OS9: variants seen among roughly 807,000 people sequenced by gnomAD.
The protein encoded by OS9 is OS9 endoplasmic reticulum lectin.
Under a neutral mutation model 84.7 loss-of-function variants are expected in OS9, and 58 were observed. That is an observed-to-expected ratio of 0.68 (90% confidence interval 0.55 to 0.85). The LOEUF is 0.85. OS9 is among the 40% of genes least tolerant of loss of function. The pLI, the probability that OS9 is intolerant of heterozygous loss-of-function variation, is 0.00. For synonymous variants in OS9, 278 were observed against 320.8 expected (o/e 0.87, Z 1.43); for missense variants, 760 against 850.9 (o/e 0.89, Z 1.33).
At chr12:57,700,942 A>G (rs1954004096) in intron 5 of OS9, among the ~76,000 whole-genome samples, 1 of 152,338 alleles carries the variant, frequency 6.6e-6, no homozygotes, top group African/African-American at 2.4e-5. Flanking sequence ...AAAATGTCAT[A>G]GAGACCCATA....
chr12:57,696,133 T>C (rs1452767960), intron 4 of OS9, 95 bp downstream of exon 4: 2 of 1,249,020 alleles, frequency 1.6e-6, no homozygotes, highest in East Asian at 4.7e-5. Context: ...GATCTGTTTC[T>C]TGGGGCTTGG....
At chr12:57,707,587 C>T (rs1322351576) in intron 5 of OS9, among the ~76,000 whole-genome samples, 3 of 152,008 alleles carry the variant, frequency 2.0e-5, no homozygotes, top group East Asian at 1.9e-4. Flanking sequence ...TTAGTAGAGA[C>T]GGGGTTTCTT....
rs530905360 is a variant in OS9, at chr12:57,716,441, G to A, written c.922G>A (p.Asp308Asn). Residue 308 changes from aspartate to asparagine, a missense_variant, in exon 8 of 15, where the codon GAC becomes AAC. Transcript: ENST00000315970. Reference sequence around the variant, plus strand: ...GAGCCCGACCAAGGATGACAGTAAGGACTCAGATTTCTGGAAGATGCTTAA... The same window carrying A: ...GAGCCCGACCAAGGATGACAGTAAGAACTCAGATTTCTGGAAGATGCTTAA... ...GASPTKDDSK[D>N]SDFWKMLNEP... 1 of 1,565,604 alleles carries A rather than the reference G, an allele frequency of 6.4e-7. No homozygotes were observed. Among genetic ancestry groups the A allele is most frequent in the Non-Finnish European group, 8.7e-7 (1 of 1,154,294 alleles).
At chr12:57,718,518 G>A in intron 11 of OS9, 97 bp downstream of exon 11, 1 of 1,305,050 alleles carries the variant, frequency 7.7e-7, no homozygotes, top group Non-Finnish European at 1.1e-6. Context: ...CACAGCACAG[G>A]GCAAGGACGG....
chr12:57,699,525 A>G (rs562772027), intron 5 of OS9, among the ~76,000 whole-genome samples: 1 of 152,348 alleles, frequency 6.6e-6, no homozygotes, highest in East Asian at 1.9e-4. Context: ...AAATTGGTCC[A>G]TGGTGTTGGC....
intron 5 of OS9, 192 bp from the exon 6 acceptor site, chr12:57,715,568 C>A: frequency 2.0e-6 from 1 of 500,254 alleles, no homozygotes; most frequent in South Asian, 3.4e-5. Context: ...TTTCTTGAGG[C>A]ACGAAGTTGA....
intron 5 of OS9, among the ~76,000 whole-genome samples, chr12:57,713,648 C>T (rs571970562): frequency 1.3e-5 from 2 of 151,382 alleles, no homozygotes; most frequent in Non-Finnish European, 2.9e-5. Flanking sequence ...TATCTCATGA[C>T]TGGATGTTGA....
intron 5 of OS9, among the ~76,000 whole-genome samples, chr12:57,700,961 GCCAAGTT>G (rs1954004878): frequency 6.6e-6 from 1 of 152,008 alleles, no homozygotes; most frequent in African/African-American, 2.4e-5. Flanking sequence ...TAAATTCACT[GCCAAGTT>G]AAACAGATGT....
In OS9 at chr12:57,716,209, A is replaced by C; in HGVS notation, c.892+16A>C. On this transcript the variant is annotated intron_variant, in intron 7 of 14. Transcript: ENST00000315970. ...AAGATGGCAGGTAGGACCTTGTTTC[A>C]CCTGTTCCGTGAAACTCACTTCCAT... 1 of 1,490,494 alleles carries C rather than the reference A, an allele frequency of 6.7e-7. No homozygotes were observed. Among genetic ancestry groups the C allele is most frequent in the Non-Finnish European group, 9.1e-7 (1 of 1,094,608 alleles). The allele number at this position is 1,490,494 out of a possible 1,614,324, so 92.3% of individuals were successfully genotyped here. A position where few individuals can be genotyped will look rare whatever the true frequency, so the allele number is the denominator to read the frequency against.
At chr12:57,694,489 C>T (rs1222956041) in intron 1 of OS9, among the ~76,000 whole-genome samples, 166 bp downstream of exon 1, 3 of 152,124 alleles carry the variant, frequency 2.0e-5, no homozygotes, top group Non-Finnish European at 4.4e-5. Context: ...GACCAATTCT[C>T]TGGGGGCCAG....
Position 57,720,474 on chromosome 12 carries a change from G to C in OS9, c.1834G>C (p.Asp612His), listed in dbSNP as rs1286433953. Residue 612 changes from aspartate to histidine, a missense_variant, in exon 14 of 15, where the codon GAT becomes CAT. Physicochemically the swap from Asp to His is moderately conservative, Grantham distance 81. Coordinates refer to ENST00000315970, the MANE Select transcript of OS9 (RefSeq NM_006812.4). Reference sequence around the variant, plus strand: ...TGAAGAGGGTGCACGTTGGCTGACTGATGAGGACACGAGAAACCTCAAGGA... The same window carrying C: ...TGAAGAGGGTGCACGTTGGCTGACTCATGAGGACACGAGAAACCTCAAGGA... ...GTEEGARWLTDEDTRNLKEIF... is the reference protein window; with the variant it reads ...GTEEGARWLTHEDTRNLKEIF... 1.9e-6 allele frequency: 3 copies of C among 1,613,880 alleles called. No homozygotes were observed. The Admixed American group carries it at 5.0e-5, about 27-fold the overall frequency.
intron 5 of OS9, among the ~76,000 whole-genome samples, chr12:57,709,080 A>G (rs1223816469): frequency 6.6e-6 from 1 of 152,176 alleles, no homozygotes; most frequent in Non-Finnish European, 1.5e-5. Context: ...TTCCTCATTT[A>G]AGGGTTTTCT....
In OS9 at chr12:57,720,804, C is replaced by A. The variant is rs1954658758; in HGVS notation, c.1899C>A (p.Ala633=). 1 of 1,612,298 alleles carries A rather than the reference C, an allele frequency of 6.2e-7. No homozygotes were observed. Among genetic ancestry groups the A allele is most frequent in the Admixed American group, 1.7e-5 (1 of 59,816 alleles). ...ACCAGGTGCCGGGAGCTGAAGAGGC[C>A]CAGAAGGAACGCCAGCGGCAGAAAG... is the stretch of plus-strand genomic sequence containing the variant. ...FNILVPGAEE[A]QKERQRQKEL... Residue 633 remains alanine (A), a synonymous_variant, in exon 15 of 15, where the codon GCC becomes GCA. Coordinates refer to ENST00000315970, the MANE Select transcript of OS9 (RefSeq NM_006812.4).
Position 57,718,356 on chromosome 12 carries a change from C to T in OS9, c.1345C>T (p.Arg449Ter), listed in dbSNP as rs749105762. 11 of 1,614,060 alleles carry T rather than the reference C, an allele frequency of 6.8e-6. No individual in the cohort carries two copies. Among genetic ancestry groups the T allele is most frequent in the East Asian group, 2.2e-5 (1 of 44,896 alleles). ...ELEGILLPSDRDRLRSEVKAG... is the reference protein window; with the variant it reads ...ELEGILLPSD ...GGAAGGGATCCTGCTTCCGTCAGACCGAGACCGGCTCCGTTCGGAGGTGAA... is the reference window on the plus strand; with the variant it reads ...GGAAGGGATCCTGCTTCCGTCAGACTGAGACCGGCTCCGTTCGGAGGTGAA... Residue 449 changes from arginine to a stop codon, truncating the protein, a stop_gained, in exon 11 of 15, where the codon CGA (arginine) becomes TGA (stop). Transcript: ENST00000315970. LOFTEE classifies it high-confidence loss of function.
At chr12:57,709,926 C>G (rs1186522864) in intron 5 of OS9, among the ~76,000 whole-genome samples, 4 of 151,844 alleles carry the variant, frequency 2.6e-5, no homozygotes, top group African/African-American at 9.7e-5. Context: ...GATCTCGGCT[C>G]ACTGCAACCT....
intron 12 of OS9, 184 bp downstream of exon 12, chr12:57,719,366 C>A: frequency 1.7e-6 from 1 of 601,054 alleles, no homozygotes; most frequent in Non-Finnish European, 3.0e-6. Flanking sequence ...TGTTTACCTC[C>A]TATTCATCCC....
chr12:57,720,653 T>A, intron 14 of OS9, 131 bp from the exon 15 acceptor site: 3 of 1,298,516 alleles, frequency 2.3e-6, no homozygotes, highest in Non-Finnish European at 3.3e-6. Context: ...TGGCTCAGAG[T>A]GCTGCCATGC....
chr12:57,713,397 C>G (rs1954387458), intron 5 of OS9, among the ~76,000 whole-genome samples: 2 of 152,100 alleles, frequency 1.3e-5, no homozygotes, highest in Non-Finnish European at 2.9e-5. Flanking sequence ...GAGCAGGGAG[C>G]TAGGCAGGGA....
chr12:57,706,611 G>A (rs544045971), intron 5 of OS9, among the ~76,000 whole-genome samples: 6 of 151,942 alleles, frequency 3.9e-5, no homozygotes, highest in Admixed American at 6.6e-5. Context: ...CAACACTTTG[G>A]GAGGCCAAGG....
Sources: allele counts gnomAD v4.1 joint callset (sites outside exome capture counted in the v4.1 genomes callset), GRCh38; gene constraint gnomAD v4.1.1; transcripts MANE v1.5; gene names NCBI Gene and HGNC (gene_info 2026-07-23, HGNC 2026-07-21).